ANKRD30A: variants seen among roughly 807,000 people sequenced by gnomAD.
ANKRD30A encodes ankyrin repeat domain 30A.
Under a neutral mutation model 166.3 loss-of-function variants are expected in ANKRD30A, and 170 were observed. The observed-to-expected ratio is 1.02, with a 90% CI of 0.90 to 1.16. ANKRD30A has a LOEUF of 1.16. ANKRD30A is among the 50% of genes most tolerant of loss of function. The pLI is 0.00. For synonymous variants in ANKRD30A, 564 were observed against 508.9 expected (o/e 1.11, Z -1.46); for missense variants, 1,630 against 1,518.0 (o/e 1.07, Z -1.23).
chr10:37,131,972 G>C (rs1203311210), intron 3 of ANKRD30A, among the ~76,000 whole-genome samples: 1 of 152,168 alleles, frequency 6.6e-6, no homozygotes, highest in Non-Finnish European at 1.5e-5. Flanking sequence ...TTGCCCTCAA[G>C]AAGCTCTTGG....
Position 37,197,493 on chromosome 10 carries a change from A to G in ANKRD30A, c.2716+13A>G, listed in dbSNP as rs373050814. ...ACATTGAGAGCAGGTACATTTTTCA[A>G]TGTAACTATGCGAAGACCAATATTT... On this transcript the variant is annotated intron_variant, in intron 29 of 35. Coordinates refer to ENST00000361713, the MANE Select transcript of ANKRD30A (RefSeq NM_052997.3). 1.6e-5 allele frequency: 25 copies of G among 1,611,866 alleles called. No homozygotes were observed. The highest frequency in any genetic ancestry group is 3.3e-5 in the Admixed American group (2 of 59,974).
intron 11 of ANKRD30A, 31 bp downstream of exon 11, chr10:37,149,880 G>C (rs377016392): frequency 1.3e-5 from 21 of 1,609,716 alleles, no homozygotes; most frequent in East Asian, 6.7e-5. Flanking sequence ...ATGCAAAGAC[G>C]AATATTTCAA....
At chr10:37,234,323 A>C (rs149671639), downstream of ANKRD30A, among the ~76,000 whole-genome samples, 1,667 of 152,310 alleles carry the variant, frequency 0.011, 13 homozygotes, top group Non-Finnish European at 0.018. Context: ...TTATATTATA[A>C]AATTCAAAAA....
At chr10:37,209,208 T>C (rs1269831328) in intron 31 of ANKRD30A, among the ~76,000 whole-genome samples, 1 of 152,164 alleles carries the variant, frequency 6.6e-6, no homozygotes, top group African/African-American at 2.4e-5. Flanking sequence ...ATACAATGAG[T>C]TAAAATGTAC....
intron 25 of ANKRD30A, 53 bp from the exon 26 acceptor site, chr10:37,193,011 T>C: frequency 1.3e-6 from 2 of 1,581,468 alleles, no homozygotes; most frequent in Non-Finnish European, 8.7e-7. Flanking sequence ...GAATGTTCGG[T>C]AGGCTTTGTC....
chr10:37,199,253 C>T (rs1841417767), intron 29 of ANKRD30A, among the ~76,000 whole-genome samples: 1 of 152,038 alleles, frequency 6.6e-6, no homozygotes, highest in African/African-American at 2.4e-5. Context: ...AGTTGACTGA[C>T]ATCAAAAAGT....
chr10:37,166,077 C>T (rs2132610296), intron 18 of ANKRD30A, among the ~76,000 whole-genome samples: 1 of 152,186 alleles, frequency 6.6e-6, no homozygotes, highest in Non-Finnish European at 1.5e-5. Flanking sequence ...TTTTAAGCCC[C>T]TGTTTACCGA....
chr10:37,197,617 A>C (rs1841245163), intron 29 of ANKRD30A, 137 bp downstream of exon 29: 5 of 1,342,574 alleles, frequency 3.7e-6, no homozygotes, highest in Non-Finnish European at 5.1e-6. Flanking sequence ...ACTGGTATTG[A>C]TGTTTGAAAA....
downstream of ANKRD30A, chr10:37,232,695 A>ATATATATATATATATATATATAT (rs1564604874): frequency 2.8e-4 from 3 of 10,832 alleles, no homozygotes; most frequent in Non-Finnish European, 6.1e-4. Context: ...TATATATATA[A>ATATATATATATATATATATATAT]ATAGAGAGAG....
rs193041558 is a variant in ANKRD30A at position 37,142,306 on chromosome 10, G to A, written c.1393+16G>A. 2.6e-4 allele frequency: 405 copies of A among 1,567,990 alleles called. 2 individuals carry two copies. In the African/African-American group the frequency reaches 3.0e-3, roughly 12 times the overall value. On this transcript the variant is annotated intron_variant, in intron 7 of 35. Coordinates refer to ENST00000361713, the MANE Select transcript of ANKRD30A (RefSeq NM_052997.3). ...AGTGCCAATGGTAAGATGCTAGAGCGAACTTTGTAAGGTTTATTGGCACTT... is the reference window on the plus strand; with the variant it reads ...AGTGCCAATGGTAAGATGCTAGAGCAAACTTTGTAAGGTTTATTGGCACTT...
intron 27 of ANKRD30A, among the ~76,000 whole-genome samples, chr10:37,193,490 C>A (rs944112808): frequency 2.6e-5 from 4 of 151,950 alleles, no homozygotes; most frequent in Non-Finnish European, 4.4e-5. Context: ...ACTTTAATGT[C>A]CTGATCGGAT....
At chr10:37,166,523 A>C in intron 18 of ANKRD30A, 82 bp from the exon 19 acceptor site, 2 of 1,306,526 alleles carry the variant, frequency 1.5e-6, no homozygotes, top group Non-Finnish European at 2.1e-6. Context: ...GTTTTTAAAA[A>C]AGAATTTAAT....
At chr10:37,130,410 T>C in intron 3 of ANKRD30A, 32 bp downstream of exon 3, 1 of 1,411,242 alleles carries the variant, frequency 7.1e-7, no homozygotes, top group Non-Finnish European at 9.3e-7. Context: ...TTTCAAAATA[T>C]TTGAAATCCA....
Position 37,158,535 on chromosome 10 carries a change from T to C in ANKRD30A, c.1849T>C (p.Ser617Pro), listed in dbSNP as rs777778554. The C allele has an allele frequency of 1.9e-6, 3 of 1,613,664 alleles. No homozygotes were observed. The East Asian group carries it at 6.7e-5, about 36-fold the overall frequency. The part of the protein sequence containing the change: ...LLKATCGMKV[S>P]IPTKALELKD... ...TTAGGCTACCTGCGGAATGAAAGTT[T>C]CTATTCCAACTAAAGCCTTAGAATT... Residue 617 changes from serine (S) to proline (P), a missense_variant, in exon 15 of 36, where the codon TCT becomes CCT. Physicochemically the swap from Ser to Pro is moderately conservative, Grantham distance 74. Around this residue, in one of 4 missense-constraint regions of ANKRD30A, gnomAD observed 904 missense variants for 818.5 expected, o/e 1.10. Transcript: ENST00000361713.
chr10:37,244,879 A>G, the ANKRD30A span, among the ~76,000 whole-genome samples: 1 of 152,178 alleles, frequency 6.6e-6, no homozygotes, highest in South Asian at 2.1e-4. Flanking sequence ...GGTCTTTCCC[A>G]TTGTCTCCAG....
chr10:37,179,876 CA>C (rs1437149052), intron 24 of ANKRD30A, among the ~76,000 whole-genome samples: 1 of 61,180 alleles, frequency 1.6e-5, no homozygotes, highest in African/African-American at 5.8e-5. Context: ...TTGCAAAAAT[CA>C]TATATAAATG....
intron 34 of ANKRD30A, among the ~76,000 whole-genome samples, chr10:37,230,706 TAGAC>T (rs1341566322): frequency 2.6e-5 from 4 of 152,102 alleles, no homozygotes; most frequent in Admixed American, 2.6e-4. Flanking sequence ...GTATTATCAT[TAGAC>T]AGCACCCTGA....
At chr10:37,251,117 T>C in the ANKRD30A span, among the ~76,000 whole-genome samples, 3 of 152,068 alleles carry the variant, frequency 2.0e-5, no homozygotes, top group African/African-American at 7.2e-5. Context: ...CTGGTAAGAT[T>C]TGCTTCTAAA....
intron 31 of ANKRD30A, among the ~76,000 whole-genome samples, chr10:37,208,428 CA>C (rs1381206262): frequency 2.0e-5 from 3 of 152,216 alleles, no homozygotes; most frequent in Admixed American, 2.0e-4. Flanking sequence ...AAAACAAAGA[CA>C]AAGCATATTC....
Sources: gnomAD v4.1 joint callset for allele counts (sites outside exome capture counted in the v4.1 genomes callset) on GRCh38, gnomAD v4.1.1 for gene constraint, gnomAD v4.1.1 regional missense constraint, MANE v1.5 for transcripts, NCBI Gene and HGNC (gene_info 2026-07-23, HGNC 2026-07-21) for gene names.